The following SHLD2 variants were observed in gnomAD, a reference collection of about 807,000 sequenced individuals.
SHLD2 encodes the protein RINN1-REV7-interacting novel NHEJ regulator 2.
In SHLD2, 30 loss-of-function variants were observed where a neutral mutation model predicts 73.2. That is an observed-to-expected ratio of 0.41 (90% confidence interval 0.31 to 0.56). The LOEUF (loss-of-function observed/expected upper bound fraction) is 0.56. SHLD2 is among the 20% of genes least tolerant of loss of function. SHLD2 has a pLI of 0.28. For synonymous variants in SHLD2, 285 were observed against 370.1 expected, an observed-to-expected ratio of 0.77 and a Z score of 2.64; for missense variants, 745 against 1,055.9, an observed-to-expected ratio of 0.71 and a Z score of 4.08.
intron 2 of SHLD2, among the ~76,000 whole-genome samples, chr10:87,131,279 A>T: frequency 6.6e-6 from 1 of 151,960 alleles, no homozygotes; most frequent in Non-Finnish European, 1.5e-5. Flanking sequence ...GTACATTCAC[A>T]ATGTTTTACA....
chr10:87,099,404 C>G (rs1157582933), intron 2 of SHLD2, among the ~76,000 whole-genome samples: 2 of 152,162 alleles, frequency 1.3e-5, no homozygotes, highest in African/African-American at 4.8e-5. Flanking sequence ...CTGGACTTTT[C>G]CTATAAAAGA....
chr10:87,151,231 A>T, intron 2 of SHLD2, 119 bp from the exon 3 acceptor site: 2 of 515,878 alleles, frequency 3.9e-6, no homozygotes, highest in Non-Finnish European at 6.8e-6. Context: ...CAAAAAAATC[A>T]CCTATGTTAA....
At position 87,175,928 on chromosome 10, in the gene SHLD2, A is replaced by G. The variant is rs375817417; in HGVS notation, c.2003A>G (p.Asn668Ser). The change falls in exon 7 of 10, where the codon AAT becomes AGT. Residue 668 changes from asparagine (N) to serine (S), a missense_variant. Transcript: ENST00000298786. ...TTTAAATATCTTTTTGTTCAGTGCA[A>G]TTACACACTAGAAAACCTAGAATTG... is the stretch of plus-strand genomic sequence containing the variant. ...WEFKYLFVQC[N>S]YTLENLELHT... is the part of the protein sequence containing the mutation. 474 of 1,550,634 alleles carry G rather than the reference A, an allele frequency of 3.1e-4. 5 individuals carry two copies. Among genetic ancestry groups the G allele is most frequent in the South Asian group, 2.8e-3 (237 of 84,036 alleles).
intron 2 of SHLD2, among the ~76,000 whole-genome samples, chr10:87,100,417 C>T (rs994024373): frequency 3.3e-5 from 5 of 151,706 alleles, no homozygotes; most frequent in South Asian, 2.1e-4. Flanking sequence ...TATATCTGGA[C>T]GCCAGTTCAG....
chr10:87,149,747 A>C (rs1845880997), intron 2 of SHLD2, among the ~76,000 whole-genome samples: 1 of 151,836 alleles, frequency 6.6e-6, no homozygotes, highest in African/African-American at 2.4e-5. Flanking sequence ...TAAATAAATA[A>C]ATAAAAGGTC....
chr10:87,115,019 GA>G (rs1261739560), intron 2 of SHLD2, among the ~76,000 whole-genome samples: 2 of 152,008 alleles, frequency 1.3e-5, no homozygotes, highest in Non-Finnish European at 2.9e-5. Flanking sequence ...TAGAGCTCAG[GA>G]AAGATGTGGA....
chr10:87,094,529 C>G (rs201593284), upstream of SHLD2: 1 of 1,612,788 alleles, frequency 6.2e-7, no homozygotes, highest in African/African-American at 1.3e-5. The surrounding 1 kb of genome is among the most constrained non-coding windows in gnomAD (Gnocchi z 6.6). Context: ...TTGTCCTCCA[C>G]GATGCTGGCG....
chr10:87,109,376 G>A (rs1564578584), intron 2 of SHLD2, among the ~76,000 whole-genome samples: 1 of 150,034 alleles, frequency 6.7e-6, no homozygotes, highest in African/African-American at 2.5e-5. Context: ...TCGGCTCACT[G>A]CAGCCTCTGC....
chr10:87,098,900 T>C (rs1842083973), intron 2 of SHLD2, among the ~76,000 whole-genome samples: 1 of 152,128 alleles, frequency 6.6e-6, no homozygotes, highest in Admixed American at 6.5e-5. Context: ...CTCAGCCTCC[T>C]GAGTAGCTAG....
intron 4 of SHLD2, among the ~76,000 whole-genome samples, chr10:87,164,839 C>T (rs1349575818): frequency 1.3e-5 from 2 of 151,944 alleles, no homozygotes; most frequent in Admixed American, 6.5e-5. Context: ...GAAGAGAGAG[C>T]TCTTCCTTCC....
At chr10:87,095,141 G>C (rs1289819584), upstream of SHLD2, 10 of 141,526 alleles carry the variant, frequency 7.1e-5, no homozygotes, top group African/African-American at 2.7e-4. Flanking sequence ...GGGAACGGAC[G>C]GGAGGGGCAG....
At chr10:87,166,950 AGT>A (rs10602407) in intron 4 of SHLD2, among the ~76,000 whole-genome samples, 12,746 of 126,092 alleles carry the variant, frequency 0.1, 1,278 homozygotes, top group African/African-American at 0.26. Flanking sequence ...CATTTTGGAA[AGT>A]GTGTGTGTGT....
intron 2 of SHLD2, among the ~76,000 whole-genome samples, chr10:87,102,943 G>A (rs902288711): frequency 7.9e-5 from 12 of 152,092 alleles, no homozygotes; most frequent in African/African-American, 2.9e-4. Context: ...TGGGCGTGGT[G>A]GCTCGCTCCT....
chr10:87,175,254 T>C (rs1201650080), intron 6 of SHLD2, among the ~76,000 whole-genome samples: 1 of 152,216 alleles, frequency 6.6e-6, no homozygotes, highest in Admixed American at 6.5e-5. Context: ...TTCATTTCAG[T>C]GTCCTTTCTT....
intron 2 of SHLD2, among the ~76,000 whole-genome samples, chr10:87,099,835 A>T (rs2133925555): frequency 6.6e-6 from 1 of 152,306 alleles, no homozygotes; most frequent in South Asian, 2.1e-4. Context: ...AGTGGGTATG[A>T]AGTATTTATT....
chr10:87,112,333 G>A (rs1842982330), intron 2 of SHLD2, among the ~76,000 whole-genome samples: 1 of 151,872 alleles, frequency 6.6e-6, no homozygotes, highest in South Asian at 2.1e-4. Flanking sequence ...ACATGAAAAG[G>A]TGTTGAAATC....
intron 2 of SHLD2, chr10:87,115,549 C>T (rs1221398711): frequency 6.6e-6 from 1 of 151,730 alleles, no homozygotes; most frequent in African/African-American, 2.4e-5. Flanking sequence ...GTAGTGGTGA[C>T]GTTGTAAGAG....
At chr10:87,120,253 TA>T (rs1170587871) in intron 2 of SHLD2, among the ~76,000 whole-genome samples, 3 of 149,034 alleles carry the variant, frequency 2.0e-5, no homozygotes, top group African/African-American at 7.7e-5. Context: ...TTTATTTATT[TA>T]TTTATTTTTT....
chr10:87,170,596 T>C lies in SHLD2; in HGVS notation c.1752T>C (p.Phe584=), dbSNP rs1369496791. ...RQPQRVNSID[F]VELEHLQPDV... Reference sequence around the variant, plus strand: ...CTCAGAGGGTGAACAGTATAGACTTTGTAGAATTGGAGCACCTTCAACCTG... The same window carrying C: ...CTCAGAGGGTGAACAGTATAGACTTCGTAGAATTGGAGCACCTTCAACCTG... The change falls in exon 5 of 10, where the codon TTT becomes TTC. Residue 584 remains phenylalanine (F), a synonymous_variant. Coordinates refer to ENST00000298786, the MANE Select transcript of SHLD2 (RefSeq NM_001330112.2). 4 of 1,613,682 alleles carry C rather than the reference T, an allele frequency of 2.5e-6. No individual in the cohort carries two copies. The Admixed American group carries it at 6.7e-5, about 27-fold the overall frequency.
Sources: gnomAD v4.1 joint callset for allele counts (sites outside exome capture counted in the v4.1 genomes callset) on GRCh38, gnomAD v4.1.1 for gene constraint, Gnocchi (gnomAD v3.1) non-coding constraint, MANE v1.5 for transcripts, NCBI Gene and HGNC (gene_info 2026-07-23, HGNC 2026-07-21) for gene names.